Variants in ULK4 observed in about 807,000 individuals in gnomAD.
ULK4 encodes the protein unc-51 like kinase 4.
ULK4 carries 133 observed loss-of-function variants against 160.6 expected under a neutral mutation model. The observed-to-expected ratio is 0.83, with a 90% confidence interval of 0.72 to 0.96. ULK4 has a LOEUF of 0.96. Ranked by LOEUF, ULK4 falls within the 40% of genes least tolerant of loss-of-function variation. The pLI is 0.00. For missense variants in ULK4, 1,580 were observed against 1,499.5 expected, an observed-to-expected ratio of 1.05 and a Z score of -0.89; for synonymous variants, 534 against 539.8, an observed-to-expected ratio of 0.99 and a Z score of 0.15.
chr3:41,803,342 C>A (rs910735531), intron 19 of ULK4, among the ~76,000 whole-genome samples: 8 of 152,048 alleles, frequency 5.3e-5, no homozygotes, highest in African/African-American at 1.9e-4. Flanking sequence ...AGACCATGTT[C>A]AGGGCCGTAA....
chr3:41,895,074 C>T (rs1031774848), intron 16 of ULK4, among the ~76,000 whole-genome samples: 4 of 152,084 alleles, frequency 2.6e-5, no homozygotes, highest in African/African-American at 9.7e-5. Flanking sequence ...TAAATTAATA[C>T]ACAGGGATCA....
intron 32 of ULK4, among the ~76,000 whole-genome samples, chr3:41,511,162 CA>C (rs57133226): frequency 1.3e-3 from 129 of 97,588 alleles, no homozygotes; most frequent in East Asian, 0.01. Flanking sequence ...GACTCCGTCT[CA>C]AAAAAAAAAA....
intron 17 of ULK4, among the ~76,000 whole-genome samples, chr3:41,838,812 C>G (rs1172699189): frequency 6.6e-6 from 1 of 152,148 alleles, no homozygotes; most frequent in East Asian, 1.9e-4. Context: ...CAACACCCCC[C>G]TCTCATGCAC....
At chr3:41,645,737 T>C (rs2034458180) in intron 30 of ULK4, among the ~76,000 whole-genome samples, 1 of 152,188 alleles carries the variant, frequency 6.6e-6, no homozygotes, top group Non-Finnish European at 1.5e-5. Context: ...GTTCAATTCC[T>C]GGGTATCCTT....
chr3:41,470,549 C>G (rs2083964054), intron 32 of ULK4, among the ~76,000 whole-genome samples: 1 of 152,040 alleles, frequency 6.6e-6, no homozygotes, highest in South Asian at 2.1e-4. Flanking sequence ...ATAAGTAATA[C>G]AAAGCCATAT....
chr3:41,886,213 C>A (rs190553121), intron 16 of ULK4, among the ~76,000 whole-genome samples: 368 of 152,170 alleles, frequency 2.4e-3, no homozygotes, highest in African/African-American at 7.9e-3. Context: ...ATTTAAATAA[C>A]CCCCATGAAG....
intron 22 of ULK4, among the ~76,000 whole-genome samples, chr3:41,751,220 G>C (rs1463880790): frequency 6.6e-6 from 1 of 152,194 alleles, no homozygotes; most frequent in Admixed American, 6.5e-5. Flanking sequence ...GGGCAGGAAG[G>C]TGGTGTAGTC....
At chr3:41,383,015 A>G (rs2081704131) in intron 35 of ULK4, among the ~76,000 whole-genome samples, 1 of 152,146 alleles carries the variant, frequency 6.6e-6, no homozygotes, top group Non-Finnish European at 1.5e-5. Flanking sequence ...CATTTAGTGT[A>G]GGCTTTCATA....
intron 35 of ULK4, among the ~76,000 whole-genome samples, chr3:41,381,947 C>G (rs1040860762): frequency 1.3e-5 from 2 of 152,030 alleles, no homozygotes; most frequent in Non-Finnish European, 2.9e-5. Context: ...CCTTATAGTC[C>G]CTAGAACATA....
chr3:41,845,529 A>G (rs2042050703), intron 17 of ULK4, among the ~76,000 whole-genome samples: 1 of 152,198 alleles, frequency 6.6e-6, no homozygotes, highest in Admixed American at 6.5e-5. Context: ...CAGCACACAC[A>G]GCAGGGTAAG....
chr3:41,439,801 C>T (rs1294184839), intron 34 of ULK4, among the ~76,000 whole-genome samples: 1 of 152,172 alleles, frequency 6.6e-6, no homozygotes, highest in Non-Finnish European at 1.5e-5. Context: ...ATTGAGTTTA[C>T]ACATCAATTT....
intron 20 of ULK4, among the ~76,000 whole-genome samples, chr3:41,790,542 A>G (rs1344651337): frequency 1.3e-5 from 2 of 152,248 alleles, no homozygotes; most frequent in Non-Finnish European, 2.9e-5. Flanking sequence ...CAAAAGGTAC[A>G]TAAAGAAGAT....
At chr3:41,799,017 G>A (rs897499639) in intron 20 of ULK4, among the ~76,000 whole-genome samples, 3 of 152,098 alleles carry the variant, frequency 2.0e-5, no homozygotes, top group African/African-American at 7.2e-5. Context: ...AAAGCAGTTG[G>A]GATAGTTCTC....
chr3:41,660,709 G>T (rs564969159), intron 30 of ULK4, among the ~76,000 whole-genome samples: 1 of 152,246 alleles, frequency 6.6e-6, no homozygotes, highest in Non-Finnish European at 1.5e-5. Context: ...GACCTTTGGA[G>T]CCTCAGCCAT....
chr3:41,382,178 A>C (rs562205641), intron 35 of ULK4, among the ~76,000 whole-genome samples: 1 of 152,116 alleles, frequency 6.6e-6, no homozygotes, highest in Non-Finnish European at 1.5e-5. Context: ...AAAATACCAC[A>C]TAGTTTACTT....
chr3:41,398,120 G>A lies in ULK4; in HGVS notation c.3637C>T (p.Pro1213Ser). ...FAHLLTSKED[P>S]KEQKLLLRIL... ...CTTAACAGAAGCTTCTGCTCCTTTG[G>A]GTCCTCCTTGGATGTCAGTAAATGA... Residue 1213 changes from proline to serine, a missense_variant, in exon 35 of 37, where the codon CCA becomes TCA. Pro to Ser is a moderately conservative substitution (Grantham distance 74). Transcript: ENST00000301831. The A allele has an allele frequency of 6.2e-7, 1 of 1,613,194 alleles. No individual in the cohort carries two copies.
rs535474629 is a variant in ULK4 at position 41,537,100 on chromosome 3, T to C, written c.3226+28925A>G. ...AATGGTTCAGAAGCACTCATCTCCA[T>C]CAAGGTGTCTTCTTTAAATTCCTCT... On this transcript the variant is annotated intron_variant, in intron 32 of 36. Coordinates refer to ENST00000301831, the MANE Select transcript of ULK4 (RefSeq NM_017886.4). Among the ~76,000 whole-genome samples, 9 of 152,294 alleles carry C rather than the reference T, an allele frequency of 5.9e-5. 1 individual carries two copies. In the South Asian group the frequency reaches 1.9e-3, roughly 32 times the overall value.
intron 21 of ULK4, among the ~76,000 whole-genome samples, chr3:41,772,390 C>T (rs1404709610): frequency 6.6e-6 from 1 of 151,920 alleles, no homozygotes; most frequent in African/African-American, 2.4e-5. Context: ...AAGGGGATAT[C>T]ACCACCGATC....
intron 32 of ULK4, among the ~76,000 whole-genome samples, chr3:41,489,162 CTGAAAATGCCATCCTATCCTTCT>C (rs2084656295): frequency 6.6e-6 from 1 of 152,166 alleles, no homozygotes; most frequent in Admixed American, 6.5e-5. Context: ...CTAGTGCTCC[CTGAAAATGCCATCCTATCCTTCT>C]TTTACTGACG....
Sources: gnomAD v4.1 joint callset for allele counts (sites outside exome capture counted in the v4.1 genomes callset) on GRCh38, gnomAD v4.1.1 for gene constraint, MANE v1.5 for transcripts, NCBI Gene and HGNC (gene_info 2026-07-23, HGNC 2026-07-21) for gene names.